Variants in AMPH observed in about 807,000 individuals in gnomAD.
AMPH encodes amphiphysin (Stiff-Mann syndrome with breast cancer 128kD autoantigen).
Under a neutral mutation model 99.1 loss-of-function variants are expected in AMPH, and 49 were observed. The observed-to-expected ratio is 0.49, with a 90% CI of 0.39 to 0.63. AMPH has a LOEUF of 0.63. Ranked by LOEUF, AMPH falls within the 20% of genes least tolerant of loss-of-function variation. AMPH has a pLI of 0.00. For missense variants in AMPH, 759 were observed against 863.4 expected (o/e 0.88, Z 1.52); for synonymous variants, 314 against 317.3 (o/e 0.99, Z 0.11).
chr7:38,501,179 T>C (rs1391884326), intron 3 of AMPH, among the ~76,000 whole-genome samples: 1 of 152,090 alleles, frequency 6.6e-6, no homozygotes, highest in East Asian at 1.9e-4. Flanking sequence ...AAACTCTATT[T>C]TAAAAAATCA....
At chr7:38,587,039 AT>A (rs1792679939) in intron 1 of AMPH, among the ~76,000 whole-genome samples, 6 of 133,316 alleles carry the variant, frequency 4.5e-5, no homozygotes, top group Admixed American at 2.2e-4. Flanking sequence ...ACACACACAC[AT>A]AAAATCCACA....
At chr7:38,404,037 G>A (rs1784915629) in intron 17 of AMPH, among the ~76,000 whole-genome samples, 1 of 152,284 alleles carries the variant, frequency 6.6e-6, no homozygotes, top group South Asian at 2.1e-4. Flanking sequence ...GGGGGAAGAA[G>A]CTGTGCCCCA....
intron 2 of AMPH, among the ~76,000 whole-genome samples, chr7:38,528,629 T>C (rs1345834424): frequency 1.3e-5 from 2 of 152,172 alleles, no homozygotes; most frequent in African/African-American, 2.4e-5. Flanking sequence ...TTGTTGTCAG[T>C]CCTGCTAGAG....
At chr7:38,600,219 T>G (rs1278745460) in intron 1 of AMPH, among the ~76,000 whole-genome samples, 2 of 152,202 alleles carry the variant, frequency 1.3e-5, no homozygotes, top group African/African-American at 4.8e-5. Context: ...TTTTATTGCT[T>G]CTTTTGAGAA....
In AMPH at chr7:38,390,110, C is replaced by T. The variant is rs1784447653; in HGVS notation, c.1879-205G>A. 1.3e-5 allele frequency among the ~76,000 whole-genome samples: 2 copies of T among 152,086 alleles called. 1 individual carries two copies. The highest frequency in any genetic ancestry group is 3.9e-4 in the East Asian group (2 of 5,194). On this transcript the variant is annotated intron_variant, in intron 19 of 20. Coordinates refer to ENST00000356264, the MANE Select transcript of AMPH (RefSeq NM_001635.4). ...ATATTTATTAATAGTAATGCAATGC[C>T]CTCTACAACAGGGAAAAGCACTATA...
At position 38,631,244 on chromosome 7, in the gene AMPH, T is replaced by TGGCGTC. The variant is rs1231942068; in HGVS notation, c.69+33_69+38dup. On this transcript the variant is annotated intron_variant, in intron 1 of 20. Coordinates refer to ENST00000356264, the MANE Select transcript of AMPH (RefSeq NM_001635.4). ...GGTGCCCTCCGGCCAAGCCCCCGCC[T>TGGCGTC]GGCGTCCCCGGCCCCAGCCCCGGCC... The TGGCGTC allele has an allele frequency of 3.3e-6, 5 of 1,499,210 alleles. No homozygotes were observed. In the Admixed American group the frequency reaches 8.7e-5, roughly 26 times the overall value. The allele number at this position is 1,499,210 out of a possible 1,614,324, so 92.9% of individuals were successfully genotyped here.
chr7:38,428,077 C>T (rs932447945), intron 14 of AMPH: 2 of 456,630 alleles, frequency 4.4e-6, no homozygotes, highest in African/African-American at 4.0e-5. Flanking sequence ...TTCAGTTCTT[C>T]CTTGTGCTCA....
intron 1 of AMPH, among the ~76,000 whole-genome samples, chr7:38,571,257 A>ATATATATATTTATATAT (rs1562835081): frequency 6.1e-4 from 38 of 61,856 alleles, no homozygotes; most frequent in Non-Finnish European, 9.5e-4. Context: ...AATATATATT[A>ATATATATATTTATATAT]AATATATATT....
intron 15 of AMPH, 29 bp from the exon 16 acceptor site, chr7:38,422,506 G>A: frequency 6.4e-7 from 1 of 1,567,226 alleles, no homozygotes; most frequent in Non-Finnish European, 8.8e-7. Context: ...AATAGAAGAT[G>A]TTTTTTAAAG....
intron 13 of AMPH, 169 bp from the exon 14 acceptor site, chr7:38,430,034 T>C (rs879394936): frequency 4.8e-5 from 29 of 599,594 alleles, no homozygotes; most frequent in African/African-American, 3.1e-4. Flanking sequence ...TGTTCCAAAA[T>C]TGTTTAAGAC....
chr7:38,479,567 G>A (rs1788214795), intron 5 of AMPH, among the ~76,000 whole-genome samples: 1 of 152,072 alleles, frequency 6.6e-6, no homozygotes, highest in East Asian at 1.9e-4. Context: ...CTAATGTATT[G>A]TGGGGTTTAT....
At chr7:38,389,971 GT>G (rs35606872) in intron 19 of AMPH, 66 bp from the exon 20 acceptor site, 126,223 of 1,222,216 alleles carry the variant, frequency 0.1, 7,095 homozygotes, top group Middle Eastern at 0.14. Flanking sequence ...ACTCTTACAA[GT>G]CACTCTCCAA....
At chr7:38,615,240 C>T (rs1157799112) in intron 1 of AMPH, among the ~76,000 whole-genome samples, 1 of 152,152 alleles carries the variant, frequency 6.6e-6, no homozygotes, top group African/African-American at 2.4e-5. Context: ...ATAATAATAG[C>T]ACCTACTTCA....
intron 1 of AMPH, among the ~76,000 whole-genome samples, chr7:38,626,858 C>T (rs1011953090): frequency 1.3e-5 from 2 of 151,518 alleles, no homozygotes; most frequent in Non-Finnish European, 2.9e-5. Context: ...AAAAAGTAGG[C>T]GAAGGATATA....
intron 1 of AMPH, among the ~76,000 whole-genome samples, chr7:38,566,635 T>A (rs1278680879): frequency 6.6e-6 from 1 of 152,140 alleles, no homozygotes. Context: ...AGAAAATTTT[T>A]GCGATCTACC....
intron 17 of AMPH, among the ~76,000 whole-genome samples, chr7:38,398,120 A>C (rs9690604): frequency 5.3e-5 from 8 of 150,886 alleles, no homozygotes; most frequent in South Asian, 2.1e-4. Flanking sequence ...AAAAAAAAAA[A>C]ACACAAAAAC....
intron 16 of AMPH, among the ~76,000 whole-genome samples, chr7:38,418,183 C>T (rs1785454694): frequency 6.6e-6 from 1 of 152,126 alleles, no homozygotes; most frequent in South Asian, 2.1e-4. Context: ...CTGTCATTTC[C>T]CTTGAAGTCA....
At chr7:38,517,981 A>G (rs1001428911) in intron 2 of AMPH, among the ~76,000 whole-genome samples, 1 of 152,176 alleles carries the variant, frequency 6.6e-6, no homozygotes, top group African/African-American at 2.4e-5. Context: ...TTTGGGAGAT[A>G]GGCCTGGGGC....
chr7:38,421,101 A>G, intron 16 of AMPH: 3 of 456,484 alleles, frequency 6.6e-6, no homozygotes, highest in Non-Finnish European at 1.3e-5. Flanking sequence ...AGAAGGGGCA[A>G]GATGTCTGCT....
Sources: gnomAD v4.1 joint callset for allele counts (sites outside exome capture counted in the v4.1 genomes callset) on GRCh38, gnomAD v4.1.1 for gene constraint, MANE v1.5 for transcripts, NCBI Gene and HGNC (gene_info 2026-07-23, HGNC 2026-07-21) for gene names.